Variants in SCUBE1 observed in about 807,000 individuals in gnomAD.
The protein encoded by SCUBE1 is signal peptide, CUB domain and EGF like domain containing 1.
In SCUBE1, 59 loss-of-function variants were observed where a neutral mutation model predicts 124.4. The observed-to-expected ratio is 0.47, with a 90% confidence interval of 0.38 to 0.59. The LOEUF (loss-of-function observed/expected upper bound fraction) is 0.59. Among genes scored for constraint, SCUBE1 ranks in the 20% least tolerant of loss-of-function variants. SCUBE1 has a pLI of 0.00. For missense variants in SCUBE1, 1,150 were observed against 1,371.2 expected (o/e 0.84, Z 2.55); for synonymous variants, 545 against 550.9 (o/e 0.99, Z 0.15).
At chr22:43,271,425 A>T (rs1924287545) in intron 4 of SCUBE1, among the ~76,000 whole-genome samples, 1 of 152,182 alleles carries the variant, frequency 6.6e-6, no homozygotes, top group Non-Finnish European at 1.5e-5. Context: ...GCGGCCTGGG[A>T]TCAGCTACTC....
chr22:43,312,121 A>G (rs1445463993), intron 3 of SCUBE1, among the ~76,000 whole-genome samples: 1 of 152,224 alleles, frequency 6.6e-6, no homozygotes, highest in Admixed American at 6.5e-5. Context: ...GAGGGTTTTT[A>G]GATTACAAGG....
chr22:43,289,275 G>A (rs1188744946), intron 4 of SCUBE1, among the ~76,000 whole-genome samples: 1 of 152,234 alleles, frequency 6.6e-6, no homozygotes, highest in Non-Finnish European at 1.5e-5. Flanking sequence ...AACCTGTTGG[G>A]CTCAGAGTCC....
intron 4 of SCUBE1, among the ~76,000 whole-genome samples, chr22:43,280,458 T>TG: frequency 2.8e-5 from 1 of 36,184 alleles, no homozygotes; most frequent in African/African-American, 1.6e-4. Context: ...TCCCTTCCCC[T>TG]CACCCATCCT....
chr22:43,226,962 C>G (rs1379191498), intron 10 of SCUBE1, among the ~76,000 whole-genome samples: 2 of 152,148 alleles, frequency 1.3e-5, no homozygotes. Flanking sequence ...AGTGACCCTC[C>G]TCCTCCCCCT....
At chr22:43,248,662 G>A (rs1923315119) in intron 6 of SCUBE1, among the ~76,000 whole-genome samples, 1 of 152,232 alleles carries the variant, frequency 6.6e-6, no homozygotes, top group Non-Finnish European at 1.5e-5. Context: ...GGGCAGGGAG[G>A]CCACGACTTG....
intron 6 of SCUBE1, among the ~76,000 whole-genome samples, chr22:43,246,908 C>T (rs553271612): frequency 6.8e-6 from 1 of 147,570 alleles, no homozygotes; most frequent in Admixed American, 6.7e-5. Context: ...GCACCTGGAG[C>T]CTGTGTCCAT....
At chr22:43,322,010 T>C (rs1188699165) in intron 2 of SCUBE1, among the ~76,000 whole-genome samples, 1 of 152,142 alleles carries the variant, frequency 6.6e-6, no homozygotes, top group Admixed American at 6.5e-5. Context: ...TTTTTGTCAG[T>C]GTCTCCCTCT....
intron 4 of SCUBE1, among the ~76,000 whole-genome samples, chr22:43,267,266 A>G (rs1569002598): frequency 6.6e-6 from 1 of 152,176 alleles, no homozygotes; most frequent in Non-Finnish European, 1.5e-5. Context: ...ATCTGCAAAC[A>G]GTGGGTGAAA....
chr22:43,231,661 C>T, intron 8 of SCUBE1, 92 bp downstream of exon 8: 1 of 1,473,490 alleles, frequency 6.8e-7, no homozygotes, highest in Non-Finnish European at 9.1e-7. Flanking sequence ...TCCGCATTCC[C>T]CTCCCCTCCT....
chr22:43,263,825 A>C (rs1018690128), intron 4 of SCUBE1, among the ~76,000 whole-genome samples: 1 of 152,228 alleles, frequency 6.6e-6, no homozygotes, highest in Non-Finnish European at 1.5e-5. Context: ...TTTTCTCACT[A>C]ATCAATCAAA....
intron 3 of SCUBE1, among the ~76,000 whole-genome samples, chr22:43,312,183 C>T (rs188588599): frequency 2.2e-4 from 33 of 152,304 alleles, no homozygotes; most frequent in Non-Finnish European, 4.1e-4. Flanking sequence ...TACTAAATGC[C>T]TACAATATAT....
rs397832078 is a variant in SCUBE1 at position 43,226,433 on chromosome 22, G to GA, written c.1207+940_1207+941insT. Among the ~76,000 whole-genome samples, 7 of 152,142 alleles carry GA rather than the reference G, an allele frequency of 4.6e-5. No homozygotes were observed. In the East Asian group the frequency reaches 1.2e-3, roughly 25 times the overall value. ...GAGTGAGGAGTGCTGGTGTGGGGGGGCCCTCCAGGCCAAGAGAAGCGCACA... is the reference window on the plus strand; with the variant it reads ...GAGTGAGGAGTGCTGGTGTGGGGGGGACCCTCCAGGCCAAGAGAAGCGCACA... On this transcript the variant is annotated intron_variant, in intron 10 of 21. Transcript: ENST00000360835.
rs557151102 is a variant in SCUBE1, at chr22:43,277,487, A to G, written c.484+13559T>C. Among the ~76,000 whole-genome samples, 8 of 152,344 alleles carry G rather than the reference A, an allele frequency of 5.3e-5. No individual in the cohort carries two copies. The East Asian group carries it at 1.5e-3, about 29-fold the overall frequency. On this transcript the variant is annotated intron_variant, in intron 4 of 21. Coordinates refer to ENST00000360835, the MANE Select transcript of SCUBE1 (RefSeq NM_173050.5). The stretch of plus-strand genomic sequence containing the variant: ...GCGAGACAGGGGCTCCTTGTGTCAC[A>G]GGGCATCTGGGCTGCACAGCACCCC...
intron 3 of SCUBE1, among the ~76,000 whole-genome samples, chr22:43,311,990 G>A (rs4820518): frequency 0.5 from 76,464 of 151,890 alleles, 19,987 homozygotes; most frequent in Non-Finnish European, 0.57. Flanking sequence ...GCATATTTGC[G>A]TTAGGGTGTG....
At chr22:43,221,043 C>T (rs1217909811) in intron 13 of SCUBE1, 130 bp downstream of exon 13, 2 of 644,132 alleles carry the variant, frequency 3.1e-6, no homozygotes, top group South Asian at 3.9e-5. Flanking sequence ...ATTCAATAAA[C>T]AGCTGCCAGG....
At chr22:43,253,381 G>T (rs554597843) in intron 6 of SCUBE1, among the ~76,000 whole-genome samples, 1 of 152,316 alleles carries the variant, frequency 6.6e-6, no homozygotes, top group East Asian at 1.9e-4. Flanking sequence ...CCTAGTTCAG[G>T]GGGTGAGGCC....
chr22:43,280,020 G>C (rs1199693980), intron 4 of SCUBE1, among the ~76,000 whole-genome samples: 1 of 152,214 alleles, frequency 6.6e-6, no homozygotes, highest in African/African-American at 2.4e-5. Context: ...CCCTGCAATT[G>C]ATTACAGCCC....
In SCUBE1 at chr22:43,210,181, G is replaced by A; in HGVS notation, c.2443C>T (p.Pro815Ser). 1 of 1,602,902 alleles carries A rather than the reference G, an allele frequency of 6.2e-7. No homozygotes were observed. The highest frequency in any genetic ancestry group is 8.5e-7 in the Non-Finnish European group (1 of 1,174,738). The change falls in exon 19 of 22, where the codon CCT becomes TCT. Residue 815 changes from proline to serine, a missense_variant. Physicochemically the swap from Pro to Ser is moderately conservative, Grantham distance 74. Transcript: ENST00000360835. This position sits in a 1 kb window ranked among gnomAD's most constrained non-coding sequence, Gnocchi z 4.5. ...TCAGCGTTGGCTGGGTAGTCGCCAG[G>A]GTAGTTGGGGGACTCGATGTAGCCG... ...YTGYIESPNY[P>S]GDYPANAECV...
At chr22:43,220,737 C>T (rs750692447) in intron 13 of SCUBE1, 150 bp from the exon 14 acceptor site, 18 of 1,020,282 alleles carry the variant, frequency 1.8e-5, no homozygotes, top group South Asian at 1.7e-5. Flanking sequence ...AGGGCTGGCT[C>T]GGGGTCTCAG....
Sources: allele counts gnomAD v4.1 joint callset (sites outside exome capture counted in the v4.1 genomes callset), GRCh38; gene constraint gnomAD v4.1.1; non-coding constraint Gnocchi (gnomAD v3.1); transcripts MANE v1.5; gene names NCBI Gene and HGNC (gene_info 2026-07-23, HGNC 2026-07-21).